The following FRMD5 variants were observed in gnomAD, a reference collection of about 807,000 sequenced individuals.
The protein encoded by FRMD5 is FERM domain containing 5.
Under a neutral mutation model 69.0 loss-of-function variants are expected in FRMD5, and 20 were observed. That is an observed-to-expected ratio of 0.29 (90% CI 0.20 to 0.42). FRMD5 has a LOEUF of 0.42. Ranked by LOEUF, FRMD5 falls within the 10% of genes least tolerant of loss-of-function variation. The pLI, the probability that FRMD5 is intolerant of heterozygous loss-of-function variation, is 1.00. For synonymous variants in FRMD5, 271 were observed against 260.1 expected (o/e 1.04, Z -0.40); for missense variants, 595 against 708.6 (o/e 0.84, Z 1.82).
intron 1 of FRMD5, among the ~76,000 whole-genome samples, chr15:43,927,014 G>T (rs2089596720): frequency 6.6e-6 from 1 of 151,254 alleles, no homozygotes; most frequent in African/African-American, 2.4e-5. Context: ...CTTTTCCCAA[G>T]AATTTTCTTG....
chr15:43,887,419 A>G (rs2088688815), intron 10 of FRMD5, among the ~76,000 whole-genome samples: 1 of 152,260 alleles, frequency 6.6e-6, no homozygotes, highest in African/African-American at 2.4e-5. Context: ...TTCTATGGAC[A>G]GTAGGGACTG....
chr15:43,987,391 C>T (rs1171451450), intron 1 of FRMD5, among the ~76,000 whole-genome samples: 1 of 152,180 alleles, frequency 6.6e-6, no homozygotes, highest in African/African-American at 2.4e-5. Flanking sequence ...AGCCTTCTTG[C>T]TGATATGGAG....
At chr15:43,876,745 G>A (rs1375036758) in intron 13 of FRMD5, among the ~76,000 whole-genome samples, 1 of 152,136 alleles carries the variant, frequency 6.6e-6, no homozygotes, top group East Asian at 1.9e-4. Context: ...CTTCTTGAGG[G>A]GGCATGGGAG....
At chr15:43,987,696 T>C (rs774222036) in intron 1 of FRMD5, among the ~76,000 whole-genome samples, 7 of 151,966 alleles carry the variant, frequency 4.6e-5, no homozygotes, top group Non-Finnish European at 8.8e-5. Context: ...ACTATAGGCA[T>C]GCATCACCAC....
At chr15:44,020,085 C>G (rs963062152) in intron 1 of FRMD5, among the ~76,000 whole-genome samples, 3 of 151,934 alleles carry the variant, frequency 2.0e-5, no homozygotes, top group African/African-American at 4.8e-5. Flanking sequence ...CTTTAACCAA[C>G]CAACATATGA....
At chr15:44,055,885 T>C (rs1378246697) in intron 1 of FRMD5, among the ~76,000 whole-genome samples, 1 of 152,230 alleles carries the variant, frequency 6.6e-6, no homozygotes, top group Non-Finnish European at 1.5e-5. Context: ...TCTAATTCTA[T>C]AAATGTCATG....
At chr15:44,034,842 C>T (rs551275660) in intron 1 of FRMD5, among the ~76,000 whole-genome samples, 5 of 152,224 alleles carry the variant, frequency 3.3e-5, no homozygotes, top group African/African-American at 1.2e-4. Context: ...CATTCTAGCC[C>T]TAACCTAACA....
chr15:43,873,777 G>C lies in FRMD5; in HGVS notation c.*108C>G, dbSNP rs1476660545. ...TGCAGTGGACTTTGAGTCATGAGAGGAGGACTTGGTATATGTGCCGATGGT... is the reference window on the plus strand; with the variant it reads ...TGCAGTGGACTTTGAGTCATGAGAGCAGGACTTGGTATATGTGCCGATGGT... On this transcript the variant is annotated 3_prime_UTR_variant, in exon 14 of 14. Transcript: ENST00000417257. 1.3e-6 allele frequency: 2 copies of C among 1,538,058 alleles called. No individual in the cohort carries two copies. Among genetic ancestry groups the C allele is most frequent in the East Asian group, 4.9e-5 (2 of 41,020 alleles).
intron 1 of FRMD5, among the ~76,000 whole-genome samples, chr15:44,109,958 T>C (rs1365242369): frequency 1.3e-5 from 2 of 152,244 alleles, no homozygotes; most frequent in African/African-American, 2.4e-5. Flanking sequence ...GTTTCCTCCA[T>C]GTCTTTTCAT....
At chr15:44,160,934 A>T (rs937153330) in intron 1 of FRMD5, among the ~76,000 whole-genome samples, 1 of 152,160 alleles carries the variant, frequency 6.6e-6, no homozygotes, top group Non-Finnish European at 1.5e-5. Flanking sequence ...CTTGTTGGGG[A>T]TGCATTAATT....
Position 43,924,323 on chromosome 15 carries a change from A to C in FRMD5, c.103-14T>G, listed in dbSNP as rs2089544830. 2 of 1,600,354 alleles carry C rather than the reference A, an allele frequency of 1.2e-6. No individual in the cohort carries two copies. The highest frequency in any genetic ancestry group is 1.3e-5 in the African/African-American group (1 of 74,658). ...TTTGGCATCTCTCTGCAAAGAAAGA[A>C]AACTCCATTGAGAAATGAGTGGGTT... On this transcript the variant is annotated splice_polypyrimidine_tract_variant and intron_variant, in intron 1 of 13. Transcript: ENST00000417257.
intron 1 of FRMD5, among the ~76,000 whole-genome samples, chr15:44,180,052 TAAAA>T (rs5812269): frequency 7.2e-5 from 7 of 97,470 alleles, no homozygotes; most frequent in Admixed American, 2.2e-4. Context: ...CTCCATCTCT[TAAAA>T]AAAAAAAAAA....
chr15:43,937,387 C>T (rs1316522118), intron 1 of FRMD5, among the ~76,000 whole-genome samples: 1 of 152,116 alleles, frequency 6.6e-6, no homozygotes, highest in Non-Finnish European at 1.5e-5. Flanking sequence ...GAGGCTCATG[C>T]CTGTAATCCC....
intron 1 of FRMD5, among the ~76,000 whole-genome samples, chr15:44,002,031 C>T (rs1890236536): frequency 1.3e-5 from 2 of 152,174 alleles, no homozygotes; most frequent in Admixed American, 1.3e-4. Context: ...TGCCAAAAGA[C>T]TCCTCGGTTT....
At chr15:44,080,109 A>G (rs1026378830) in intron 1 of FRMD5, among the ~76,000 whole-genome samples, 22 of 152,134 alleles carry the variant, frequency 1.4e-4, no homozygotes, top group African/African-American at 5.1e-4. Flanking sequence ...TATGTTATAT[A>G]TATATTTTAC....
intron 1 of FRMD5, among the ~76,000 whole-genome samples, chr15:44,007,637 A>ATTTTTTTTTTTTTTTTTTTTTT (rs35512441): frequency 2.5e-5 from 2 of 81,144 alleles, no homozygotes; most frequent in Non-Finnish European, 4.3e-5. Context: ...TAATTAACTA[A>ATTTTTTTTTTTTTTTTTTTTTT]TTTTTTTTTT....
chr15:44,120,589 A>G (rs1184128907), intron 1 of FRMD5, among the ~76,000 whole-genome samples: 1 of 142,390 alleles, frequency 7.0e-6, no homozygotes, highest in Non-Finnish European at 1.5e-5. Flanking sequence ...GCTGGAGTGC[A>G]GGAGTGCAAT....
intron 1 of FRMD5, among the ~76,000 whole-genome samples, chr15:44,118,476 T>A (rs1230782191): frequency 6.6e-6 from 1 of 152,170 alleles, no homozygotes; most frequent in African/African-American, 2.4e-5. Context: ...TAGCATAGAT[T>A]TCCCATTTAC....
chr15:43,976,689 G>A (rs567303886), intron 1 of FRMD5, among the ~76,000 whole-genome samples: 3 of 152,168 alleles, frequency 2.0e-5, no homozygotes, highest in South Asian at 2.1e-4. Flanking sequence ...TTTTTGAGAC[G>A]GAGTTTTGCT....
Sources: gnomAD v4.1 joint callset for allele counts (sites outside exome capture counted in the v4.1 genomes callset) on GRCh38, gnomAD v4.1.1 for gene constraint, MANE v1.5 for transcripts, NCBI Gene and HGNC (gene_info 2026-07-23, HGNC 2026-07-21) for gene names.